The following NTM variants were observed in gnomAD, a reference collection of about 807,000 sequenced individuals.
NTM encodes the protein IgLON family member 2.
NTM carries 13 observed loss-of-function variants against 42.1 expected under a neutral mutation model. That is an observed-to-expected ratio of 0.31 (90% CI 0.20 to 0.49). The LOEUF is 0.49. Ranked by LOEUF, NTM falls within the 20% of genes least tolerant of loss-of-function variation. The pLI, the probability that NTM is intolerant of heterozygous loss-of-function variation, is 0.99. For synonymous variants in NTM, 187 were observed against 179.2 expected (o/e 1.04, Z -0.35); for missense variants, 373 against 452.8 (o/e 0.82, Z 1.60).
At chr11:131,626,490 C>G (rs1000996937) in intron 1 of NTM, among the ~76,000 whole-genome samples, 2 of 152,240 alleles carry the variant, frequency 1.3e-5, no homozygotes, top group East Asian at 3.9e-4. Context: ...TCTCTTCTTC[C>G]AAAGGGTGGC....
intron 1 of NTM, among the ~76,000 whole-genome samples, chr11:131,799,265 C>G (rs1053069808): frequency 1.3e-5 from 2 of 152,132 alleles, no homozygotes; most frequent in Non-Finnish European, 2.9e-5. Flanking sequence ...GTACTTGAAA[C>G]TATCGCATAC....
intron 1 of NTM, among the ~76,000 whole-genome samples, chr11:131,489,495 G>A (rs145375628): frequency 2.6e-5 from 4 of 152,224 alleles, no homozygotes; most frequent in East Asian, 1.9e-4. Context: ...AAGCAACATC[G>A]CTATGATTTC....
intron 1 of NTM, among the ~76,000 whole-genome samples, chr11:131,905,744 A>G (rs2053771284): frequency 6.6e-6 from 1 of 151,884 alleles, no homozygotes. Flanking sequence ...GGCCCACGTT[A>G]CTTTTGCCTA....
chr11:131,996,079 T>C (rs1475213735), intron 2 of NTM, among the ~76,000 whole-genome samples: 1 of 152,166 alleles, frequency 6.6e-6, no homozygotes, highest in East Asian at 1.9e-4. Flanking sequence ...TACATAAACA[T>C]AAATTCTATA....
intron 1 of NTM, among the ~76,000 whole-genome samples, chr11:131,377,704 A>G (rs999390391): frequency 5.3e-5 from 8 of 152,214 alleles, no homozygotes; most frequent in Admixed American, 2.6e-4. Context: ...TCTCCTACAC[A>G]CCCATCTTCT....
At chr11:132,006,433 G>A (rs564520324) in intron 2 of NTM, among the ~76,000 whole-genome samples, 1 of 152,174 alleles carries the variant, frequency 6.6e-6, no homozygotes, top group Non-Finnish European at 1.5e-5. Flanking sequence ...CCAACAATGA[G>A]AAGAGCCAAG....
intron 4 of NTM, among the ~76,000 whole-genome samples, chr11:132,267,519 A>G (rs930992026): frequency 6.6e-6 from 1 of 151,696 alleles, no homozygotes; most frequent in Admixed American, 6.6e-5. Flanking sequence ...TACCTTTAAA[A>G]AAAAAAACTC....
At chr11:132,182,777 G>A (rs1437431788) in intron 3 of NTM, among the ~76,000 whole-genome samples, 3 of 152,132 alleles carry the variant, frequency 2.0e-5, no homozygotes, top group African/African-American at 7.2e-5. Context: ...CTTTAACAAA[G>A]CATATAAACT....
chr11:132,106,199 G>C (rs1447313746), intron 2 of NTM, among the ~76,000 whole-genome samples: 1 of 152,188 alleles, frequency 6.6e-6, no homozygotes, highest in African/African-American at 2.4e-5. Context: ...TGAATGTTGA[G>C]TTATAAATGA....
At chr11:131,825,926 G>A (rs2042077040) in intron 1 of NTM, among the ~76,000 whole-genome samples, 2 of 152,252 alleles carry the variant, frequency 1.3e-5, no homozygotes, top group South Asian at 2.1e-4. Flanking sequence ...GGATTTTTGA[G>A]GTTAGAAAAG....
At chr11:131,907,016 T>A (rs1371525288) in intron 1 of NTM, among the ~76,000 whole-genome samples, 1 of 152,316 alleles carries the variant, frequency 6.6e-6, no homozygotes, top group East Asian at 1.9e-4. Context: ...GATTTACACA[T>A]CCTTTTCTGA....
At chr11:131,442,306 T>C (rs993734273) in intron 1 of NTM, among the ~76,000 whole-genome samples, 8 of 152,206 alleles carry the variant, frequency 5.3e-5, no homozygotes, top group Admixed American at 1.3e-4. Flanking sequence ...GTGATCCATC[T>C]ATGTTAACAT....
At chr11:131,574,597 C>T (rs2057758910) in intron 1 of NTM, among the ~76,000 whole-genome samples, 1 of 116,838 alleles carries the variant, frequency 8.6e-6, no homozygotes, top group South Asian at 3.4e-4. Context: ...TCTACACATG[C>T]ACCTTTACAT....
chr11:132,022,403 T>G (rs1194095984), intron 2 of NTM, among the ~76,000 whole-genome samples: 2 of 152,148 alleles, frequency 1.3e-5, no homozygotes, highest in African/African-American at 4.8e-5. Flanking sequence ...TCTCAGACAT[T>G]TATATTTGTA....
intron 1 of NTM, among the ~76,000 whole-genome samples, chr11:131,470,540 C>A (rs1311353025): frequency 6.6e-6 from 1 of 152,176 alleles, no homozygotes; most frequent in African/African-American, 2.4e-5. Context: ...AGATGGTTCT[C>A]TGGGAGAGGA....
chr11:132,208,135 C>CA (rs2082267323), intron 3 of NTM, among the ~76,000 whole-genome samples: 1 of 152,108 alleles, frequency 6.6e-6, no homozygotes, highest in Non-Finnish European at 1.5e-5. Flanking sequence ...AGAATGTATC[C>CA]ATGGAAACAA....
intron 1 of NTM, chr11:131,660,958 A>G (rs780829483): frequency 1.5e-6 from 2 of 1,304,142 alleles, no homozygotes; most frequent in Non-Finnish European, 1.0e-6. Flanking sequence ...GCTCATCCCC[A>G]AGGCAAAGTT....
chr11:132,246,543 TG>T (rs1233314540), intron 4 of NTM, among the ~76,000 whole-genome samples: 1 of 152,164 alleles, frequency 6.6e-6, no homozygotes, highest in Non-Finnish European at 1.5e-5. Context: ...CTCCAATTAT[TG>T]ATAGTTGACT....
At position 131,370,648 on chromosome 11, in the gene NTM, T is replaced by C. The variant is rs1941040125; in HGVS notation, c.-159T>C. The C allele has an allele frequency of 8.0e-6, 5 of 627,756 alleles. No homozygotes were observed. The highest frequency in any genetic ancestry group is 5.8e-5 in the Admixed American group (2 of 34,742). The allele number at this position is 627,756 out of a possible 1,614,324, so 38.9% of individuals were successfully genotyped here. On this transcript the variant is annotated 5_prime_UTR_variant, in exon 1 of 9. Coordinates refer to ENST00000683400, the MANE Select transcript of NTM (RefSeq NM_001352005.2). Reference sequence around the variant, plus strand: ...AGTGGAGATAATTACGGAGAAGTCATACTCTCTCACACCCTCGGCTTTCTT... The same window carrying C: ...AGTGGAGATAATTACGGAGAAGTCACACTCTCTCACACCCTCGGCTTTCTT...
Sources: gnomAD v4.1 joint callset for allele counts (sites outside exome capture counted in the v4.1 genomes callset) on GRCh38, gnomAD v4.1.1 for gene constraint, MANE v1.5 for transcripts, NCBI Gene and HGNC (gene_info 2026-07-23, HGNC 2026-07-21) for gene names.